Variants in EYA2 observed in about 807,000 individuals in gnomAD.
EYA2 encodes protein phosphatase EYA2.
EYA2 carries 31 observed loss-of-function variants against 69.2 expected under a neutral mutation model. The observed-to-expected ratio is 0.45, with a 90% CI of 0.34 to 0.60. The LOEUF (loss-of-function observed/expected upper bound fraction) is 0.60, where lower values mean the gene tolerates loss of function less well. Ranked by LOEUF, EYA2 falls within the 20% of genes least tolerant of loss-of-function variation. EYA2 has a pLI of 0.02. For synonymous variants in EYA2, 257 were observed against 279.4 expected, an observed-to-expected ratio of 0.92 and a Z score of 0.80; for missense variants, 622 against 701.2, an observed-to-expected ratio of 0.89 and a Z score of 1.28.
intron 9 of EYA2, among the ~76,000 whole-genome samples, chr20:47,129,413 C>A (rs1386923602): frequency 6.6e-6 from 1 of 152,120 alleles, no homozygotes; most frequent in African/African-American, 2.4e-5. Context: ...ACAAAGGATC[C>A]AGCCCTGAAA....
chr20:47,126,204 G>A (rs1012129166), intron 9 of EYA2, among the ~76,000 whole-genome samples: 2 of 152,198 alleles, frequency 1.3e-5, no homozygotes, highest in African/African-American at 2.4e-5. Context: ...CGCCTCCCCC[G>A]ACCTTCCCTT....
chr20:47,145,558 G>A (rs1001613898), intron 10 of EYA2, among the ~76,000 whole-genome samples: 1 of 152,148 alleles, frequency 6.6e-6, no homozygotes, highest in African/African-American at 2.4e-5. Flanking sequence ...TCTGGGTTGT[G>A]TGTTAAAAAG....
At chr20:47,064,481 A>G (rs1012532716) in intron 5 of EYA2, among the ~76,000 whole-genome samples, 6 of 152,178 alleles carry the variant, frequency 3.9e-5, no homozygotes, top group East Asian at 1.9e-4. Flanking sequence ...CTTGTTTTCA[A>G]TTATTTTGGG....
chr20:47,118,733 C>A (rs1479795212), intron 9 of EYA2, among the ~76,000 whole-genome samples: 2 of 152,162 alleles, frequency 1.3e-5, no homozygotes, highest in East Asian at 3.8e-4. Context: ...TTGAGAGAGA[C>A]CATTTCCTTA....
At chr20:47,047,384 GTCTC>G (rs763825493) in intron 5 of EYA2, among the ~76,000 whole-genome samples, 5 of 140,964 alleles carry the variant, frequency 3.5e-5, no homozygotes, top group Non-Finnish European at 6.2e-5. Context: ...TTTATTTTTT[GTCTC>G]TCTCTCTCTT....
At chr20:46,948,201 A>G (rs1978587481) in intron 1 of EYA2, among the ~76,000 whole-genome samples, 2 of 152,298 alleles carry the variant, frequency 1.3e-5, no homozygotes, top group South Asian at 4.2e-4. Flanking sequence ...CTTTTTCTGG[A>G]AAGGGCCAAA....
chr20:47,080,498 AGG>A (rs1173902056), intron 7 of EYA2, among the ~76,000 whole-genome samples: 2 of 89,764 alleles, frequency 2.2e-5, no homozygotes, highest in African/African-American at 4.4e-5. Context: ...GAGGGAGTAA[AGG>A]GGAGTGGAGG....
intron 5 of EYA2, among the ~76,000 whole-genome samples, chr20:47,031,500 C>T (rs1258354232): frequency 6.6e-6 from 1 of 152,164 alleles, no homozygotes; most frequent in Non-Finnish European, 1.5e-5. Context: ...CCTTCCCCTC[C>T]GCTTCTCTAG....
intron 1 of EYA2, among the ~76,000 whole-genome samples, chr20:46,943,981 G>T (rs1986260320): frequency 6.6e-6 from 1 of 152,112 alleles, no homozygotes; most frequent in Admixed American, 6.5e-5. Flanking sequence ...GCAAGAAGCT[G>T]ACTTGTGCCA....
chr20:47,072,382 GA>G (rs930019900), intron 6 of EYA2, 130 bp downstream of exon 6: 173 of 847,578 alleles, frequency 2.0e-4, no homozygotes, highest in Middle Eastern at 1.7e-3. Context: ...CCTGGGTTTG[GA>G]GACTACAGGG....
rs773883161 is a variant in EYA2 at position 47,089,275 on chromosome 20, C to T, written c.698C>T (p.Ala233Val). The T allele has an allele frequency of 2.8e-5, 45 of 1,614,096 alleles. No homozygotes were observed. The highest frequency in any genetic ancestry group is 3.3e-4 in the Middle Eastern group (2 of 6,062). ...ACACACAATGGACCTTCCACACCAG[C>T]GAAAGAGGGAGACACAGACAGGCCG... ...YNTHNGPSTP[A>V]KEGDTDRPHR... Residue 233 changes from alanine to valine, a missense_variant, in exon 8 of 16, where the codon GCG (alanine) becomes GTG (valine). By Grantham distance (64) the Ala-to-Val change is moderately conservative (BLOSUM62 0). Transcript: ENST00000327619.
At chr20:47,171,749 A>G (rs148190957) in intron 11 of EYA2, among the ~76,000 whole-genome samples, 3 of 151,950 alleles carry the variant, frequency 2.0e-5, no homozygotes, top group African/African-American at 4.8e-5. Flanking sequence ...ACATCTAGAC[A>G]TCTCCCCATG....
intron 1 of EYA2, among the ~76,000 whole-genome samples, chr20:46,904,492 T>G (rs1305731186): frequency 1.3e-5 from 2 of 151,354 alleles, no homozygotes; most frequent in East Asian, 3.9e-4. Flanking sequence ...GGCCAGGGAG[T>G]CCCCCAGCCA....
At position 46,946,273 on chromosome 20, in the gene EYA2, C is replaced by T. The variant is rs191558236; in HGVS notation, c.-10-43728C>T. Among the ~76,000 whole-genome samples, 16 of 152,206 alleles carry T rather than the reference C, an allele frequency of 1.1e-4. No individual in the cohort carries two copies. The East Asian group carries it at 2.1e-3, about 20-fold the overall frequency. On this transcript the variant is annotated intron_variant, in intron 1 of 15. Transcript: ENST00000327619. Reference sequence around the variant, plus strand: ...CCCTAGGAGGTCTTGCCCGTGGAGACGAGGTACATGGCTTTGTGTTTTATT... The same window carrying T: ...CCCTAGGAGGTCTTGCCCGTGGAGATGAGGTACATGGCTTTGTGTTTTATT...
Position 46,907,880 on chromosome 20 carries a change from G to A in EYA2, c.-11+12893G>A, listed in dbSNP as rs572792286. Among the ~76,000 whole-genome samples the A allele has an allele frequency of 1.9e-4, 29 of 151,382 alleles. No individual in the cohort carries two copies. The South Asian group carries it at 3.8e-3, about 20-fold the overall frequency. ...CAAACAAACAAAGTGTGCCTGGAGC[G>A]ACTGTCTATGCAAACTCTGACATCA... On this transcript the variant is annotated intron_variant, in intron 1 of 15. Coordinates refer to ENST00000327619, the MANE Select transcript of EYA2 (RefSeq NM_005244.5).
intron 1 of EYA2, among the ~76,000 whole-genome samples, chr20:46,934,177 G>A (rs531981580): frequency 4.7e-4 from 71 of 152,344 alleles, no homozygotes; most frequent in African/African-American, 1.7e-3. Context: ...TGTCAAAGCC[G>A]TTGAAACAAA....
At chr20:47,028,736 G>A (rs1258526862) in intron 5 of EYA2, among the ~76,000 whole-genome samples, 2 of 152,220 alleles carry the variant, frequency 1.3e-5, no homozygotes, top group Non-Finnish European at 2.9e-5. Context: ...GTCTGCAACT[G>A]TCTGGCTCCA....
In EYA2 at chr20:47,004,988, G is replaced by A. The variant is rs761785131; in HGVS notation, c.202G>A (p.Ala68Thr). The change falls in exon 4 of 16, where the codon GCC becomes ACC. Residue 68 changes from alanine (A) to threonine (T), a missense_variant. By Grantham distance (58) the Ala-to-Thr change is moderately conservative. Around this residue, in one of 2 missense-constraint regions of EYA2, gnomAD observed 365 missense variants for 349.7 expected, o/e 1.04. Transcript: ENST00000327619. The part of the protein sequence containing the change: ...LPRQPSTAMA[A>T]YGQTQYSAGI... ...CCGCCAGCCTTCCACAGCCATGGCA[G>A]CCTACGGCCAGACGCAGTACAGTGC... 4 of 1,614,086 alleles carry A rather than the reference G, an allele frequency of 2.5e-6. No individual in the cohort carries two copies. Among genetic ancestry groups the A allele is most frequent in the Non-Finnish European group, 2.5e-6 (3 of 1,179,990 alleles).
At chr20:46,981,037 T>C (rs1980802186) in intron 1 of EYA2, among the ~76,000 whole-genome samples, 1 of 152,226 alleles carries the variant, frequency 6.6e-6, no homozygotes, top group African/African-American at 2.4e-5. Context: ...GAAAAGCTTC[T>C]TTTTAGATCC....
Sources: gnomAD v4.1 joint callset for allele counts (sites outside exome capture counted in the v4.1 genomes callset) on GRCh38, gnomAD v4.1.1 for gene constraint, gnomAD v4.1.1 regional missense constraint, MANE v1.5 for transcripts, NCBI Gene and HGNC (gene_info 2026-07-23, HGNC 2026-07-21) for gene names.